The following MMP24 variants were observed in gnomAD, a reference collection of about 807,000 sequenced individuals.
MMP24 encodes matrix metalloproteinase-24.
Under a neutral mutation model 62.8 loss-of-function variants are expected in MMP24, and 25 were observed. The ratio of observed to expected loss-of-function variants is 0.40; its 90% CI spans 0.29 to 0.56. The LOEUF is 0.56. Ranked by LOEUF, MMP24 falls within the 20% of genes least tolerant of loss-of-function variation. MMP24 has a pLI of 0.50. For synonymous variants in MMP24, 319 were observed against 350.5 expected (o/e 0.91, Z 1.00); for missense variants, 634 against 853.6 (o/e 0.74, Z 3.21).
At chr20:35,243,621 G>C (rs1382903953) in intron 1 of MMP24, among the ~76,000 whole-genome samples, 1 of 152,128 alleles carries the variant, frequency 6.6e-6, no homozygotes, top group Non-Finnish European at 1.5e-5. Context: ...GGGAGGAGGA[G>C]AAGGAGGAGG....
At chr20:35,251,606 A>G (rs2060547493) in intron 2 of MMP24, among the ~76,000 whole-genome samples, 1 of 152,148 alleles carries the variant, frequency 6.6e-6, no homozygotes, top group Non-Finnish European at 1.5e-5. Flanking sequence ...TGAGGTTCAT[A>G]TTGGTTCAGC....
chr20:35,267,460 C>A, intron 6 of MMP24, 41 bp downstream of exon 6: 2 of 1,517,216 alleles, frequency 1.3e-6, no homozygotes, highest in Non-Finnish European at 1.8e-6. Flanking sequence ...GGCCCCTGAC[C>A]TTTCCTCCTC....
At position 35,271,780 on chromosome 20, in the gene MMP24, C is replaced by T. The variant is rs759080778; in HGVS notation, c.1545C>T (p.Thr515=). 3.7e-5 allele frequency: 60 copies of T among 1,606,256 alleles called. No individual in the cohort carries two copies. The highest frequency in any genetic ancestry group is 4.5e-5 in the East Asian group (2 of 44,600). ...ATDPGYPKPI[T]VWKGIPQAPQ... is the part of the protein sequence containing the mutation. The stretch of plus-strand genomic sequence containing the variant: ...ACCCTGGCTACCCTAAGCCCATCAC[C>T]GTGTGGAAGGGCATCCCACAGGCTC... The change falls in exon 8 of 9, where the codon ACC becomes ACT. Residue 515 remains threonine (T), a synonymous_variant. Transcript: ENST00000246186. This position sits in a 1 kb window ranked among gnomAD's most constrained non-coding sequence, Gnocchi z 4.0.
Position 35,246,346 on chromosome 20 carries a change from G to A in MMP24, c.247-494G>A, listed in dbSNP as rs868176630. 4.6e-5 allele frequency among the ~76,000 whole-genome samples: 7 copies of A among 151,830 alleles called. No individual in the cohort carries two copies. The East Asian group carries it at 1.2e-3, about 25-fold the overall frequency. On this transcript the variant is annotated intron_variant, in intron 1 of 8. Transcript: ENST00000246186. ...ACAAAAATTAGCTAGGCATGGTGGCGTGTGCCTGTAATCCCAGCTATTCGG... is the reference window on the plus strand; with the variant it reads ...ACAAAAATTAGCTAGGCATGGTGGCATGTGCCTGTAATCCCAGCTATTCGG...
At chr20:35,267,644 G>A (rs2146237787) in intron 6 of MMP24, among the ~76,000 whole-genome samples, 1 of 152,334 alleles carries the variant, frequency 6.6e-6, no homozygotes, top group South Asian at 2.1e-4. Flanking sequence ...ACCTCCCCTG[G>A]GGTTAATGCT....
chr20:35,270,442 C>T (rs921318855), intron 7 of MMP24, among the ~76,000 whole-genome samples: 5 of 152,230 alleles, frequency 3.3e-5, no homozygotes, highest in Admixed American at 6.5e-5. Context: ...CTGATGGCCA[C>T]GGAGGCCCCG....
chr20:35,251,071 G>T (rs946346711), intron 2 of MMP24, among the ~76,000 whole-genome samples: 4 of 151,062 alleles, frequency 2.6e-5, no homozygotes, highest in Admixed American at 1.3e-4. Flanking sequence ...TATAATAAGT[G>T]CTGCAGAGAA....
At chr20:35,270,952 A>G (rs573594434) in intron 7 of MMP24, among the ~76,000 whole-genome samples, 1 of 152,368 alleles carries the variant, frequency 6.6e-6, no homozygotes, top group Non-Finnish European at 1.5e-5. Flanking sequence ...AGGCAGGAGA[A>G]TCGCTTGAAC....
intron 1 of MMP24, among the ~76,000 whole-genome samples, chr20:35,232,658 C>A (rs2060443165): frequency 6.6e-6 from 1 of 152,098 alleles, no homozygotes; most frequent in Non-Finnish European, 1.5e-5. Context: ...AAAATATGAA[C>A]CATGGCTCCA....
At chr20:35,267,604 AGAGG>A (rs1349384581) in intron 6 of MMP24, among the ~76,000 whole-genome samples, 185 bp downstream of exon 6, 1 of 152,204 alleles carries the variant, frequency 6.6e-6, no homozygotes, top group Non-Finnish European at 1.5e-5. Flanking sequence ...ACTGTTCCCA[AGAGG>A]GAGGGGGAAA....
At position 35,275,984 on chromosome 20, in the gene MMP24, G is replaced by T; in HGVS notation, c.*1375G>T. 1 of 398,652 alleles carries T rather than the reference G, an allele frequency of 2.5e-6. No homozygotes were observed. The highest frequency in any genetic ancestry group is 4.4e-6 in the Non-Finnish European group (1 of 226,108). The allele number at this position is 398,652 out of a possible 1,614,324, so 24.7% of individuals were successfully genotyped here. A position where few individuals can be genotyped will look rare whatever the true frequency, so the allele number is the denominator to read the frequency against. ...AGGCAGCCCTGCTTGTCACTGAGGA[G>T]CCCTAGACAAGGCCAATGGGTTCAT... On this transcript the variant is annotated 3_prime_UTR_variant, in exon 9 of 9. Transcript: ENST00000246186.
intron 1 of MMP24, among the ~76,000 whole-genome samples, chr20:35,239,213 AT>A (rs1199297886): frequency 6.6e-6 from 1 of 151,556 alleles, no homozygotes; most frequent in Non-Finnish European, 1.5e-5. Context: ...TAATTTTTGT[AT>A]TTTTAGTAGA....
Position 35,276,032 on chromosome 20 carries a change from A to G in MMP24, c.*1423A>G, listed in dbSNP as rs574982047. 14 of 398,674 alleles carry G rather than the reference A, an allele frequency of 3.5e-5. No individual in the cohort carries two copies. The Admixed American group carries it at 4.0e-4, about 11-fold the overall frequency. The allele number at this position is 398,674 out of a possible 1,614,324, so 24.7% of individuals were successfully genotyped here. On this transcript the variant is annotated 3_prime_UTR_variant, in exon 9 of 9. Coordinates refer to ENST00000246186, the MANE Select transcript of MMP24 (RefSeq NM_006690.4). Reference sequence around the variant, plus strand: ...CATCAATGCCCACTGGCTCTCTGCCAAAGCCAAAAAGGTGTCAGGCAGTCT... The same window carrying G: ...CATCAATGCCCACTGGCTCTCTGCCGAAGCCAAAAAGGTGTCAGGCAGTCT...
rs1034964373 is a variant in MMP24 at position 35,275,968 on chromosome 20, T to G, written c.*1359T>G. Reference sequence around the variant, plus strand: ...CTCCACAGTACGGCGGAGGCAGCCCTGCTTGTCACTGAGGAGCCCTAGACA... The same window carrying G: ...CTCCACAGTACGGCGGAGGCAGCCCGGCTTGTCACTGAGGAGCCCTAGACA... On this transcript the variant is annotated 3_prime_UTR_variant, in exon 9 of 9. Transcript: ENST00000246186. The G allele has an allele frequency of 5.0e-6, 2 of 398,528 alleles. No homozygotes were observed. The highest frequency in any genetic ancestry group is 4.1e-5 in the African/African-American group (2 of 48,630). 24.7% of individuals were successfully genotyped at this position (398,528 alleles called of 1,614,324 possible). A position where few individuals can be genotyped will look rare whatever the true frequency, so the allele number is the denominator to read the frequency against.
chr20:35,243,187 A>G (rs942278387), intron 1 of MMP24, among the ~76,000 whole-genome samples: 3 of 150,464 alleles, frequency 2.0e-5, no homozygotes, highest in African/African-American at 7.3e-5. Flanking sequence ...TCAAAAAAAG[A>G]AAAAAAAAAT....
Position 35,267,269 on chromosome 20 carries a change from C to T in MMP24, c.1044C>T (p.His348=). 3.1e-6 allele frequency: 5 copies of T among 1,606,328 alleles called. No homozygotes were observed. The highest frequency in any genetic ancestry group is 4.2e-6 in the Non-Finnish European group (5 of 1,176,754). Residue 348 remains histidine (H), a synonymous_variant, in exon 6 of 9, where the codon CAC becomes CAT. Coordinates refer to ENST00000246186, the MANE Select transcript of MMP24 (RefSeq NM_006690.4). ...PLPTLPVRRI[H]SPSERKHERQ... is the part of the protein sequence containing the mutation. ...CTACACTCCCCGTCCGCAGGATCCA[C>T]TCACCATCGGAGAGGAAACACGAGC...
At chr20:35,238,889 T>G (rs1397978011) in intron 1 of MMP24, among the ~76,000 whole-genome samples, 1 of 152,096 alleles carries the variant, frequency 6.6e-6, no homozygotes, top group East Asian at 1.9e-4. Flanking sequence ...TAGAATGCTG[T>G]TTTTGGTTTT....
intron 5 of MMP24, chr20:35,264,188 A>G: frequency 2.8e-6 from 1 of 356,182 alleles, no homozygotes. Context: ...GAGGGACAAA[A>G]GTGAGGTGAG....
At chr20:35,261,795 CTTTT>C (rs11335936) in intron 4 of MMP24, among the ~76,000 whole-genome samples, 5 of 88,964 alleles carry the variant, frequency 5.6e-5, no homozygotes, top group East Asian at 3.1e-4. Flanking sequence ...TCAGGGCATC[CTTTT>C]TTTTTTTTTT....
Sources: allele counts gnomAD v4.1 joint callset (sites outside exome capture counted in the v4.1 genomes callset), GRCh38; gene constraint gnomAD v4.1.1; non-coding constraint Gnocchi (gnomAD v3.1); transcripts MANE v1.5; gene names NCBI Gene and HGNC (gene_info 2026-07-23, HGNC 2026-07-21).